CD109: variants seen among roughly 807,000 people sequenced by gnomAD.
CD109 encodes CD109 antigen.
A neutral mutation model predicts 165.8 loss-of-function variants in CD109; 149 were observed. That is an observed-to-expected ratio of 0.90 (90% CI 0.79 to 1.03). The LOEUF (loss-of-function observed/expected upper bound fraction) is 1.03. Ranked by LOEUF, CD109 falls within the 50% of genes least tolerant of loss-of-function variation. CD109 has a pLI of 0.00. For missense variants in CD109, 1,712 were observed against 1,677.8 expected (o/e 1.02, Z -0.36); for synonymous variants, 585 against 592.1 (o/e 0.99, Z 0.18).
At chr6:73,807,586 C>T (rs1307856553) in intron 25 of CD109, among the ~76,000 whole-genome samples, 2 of 152,106 alleles carry the variant, frequency 1.3e-5, no homozygotes, top group Admixed American at 1.3e-4. Flanking sequence ...TAAGTTTGCT[C>T]CAGAGCTGTC....
At chr6:73,772,857 TTTC>T (rs1774093423) in intron 15 of CD109, among the ~76,000 whole-genome samples, 1 of 151,796 alleles carries the variant, frequency 6.6e-6, no homozygotes, top group African/African-American at 2.4e-5. Flanking sequence ...AATTGTACAT[TTTC>T]TTCAGTCTAC....
At chr6:73,718,877 TG>T (rs909958668) in intron 2 of CD109, among the ~76,000 whole-genome samples, 108 of 152,334 alleles carry the variant, frequency 7.1e-4, no homozygotes, top group African/African-American at 2.5e-3. Context: ...ATCTGTTGGT[TG>T]TTTCATTGTT....
chr6:73,753,269 C>T (rs80199485), intron 5 of CD109, among the ~76,000 whole-genome samples: 2,122 of 152,078 alleles, frequency 0.014, 50 homozygotes, highest in African/African-American at 0.048. Context: ...TTTGCAGATC[C>T]CTGTTCTAGA....
At chr6:73,747,494 T>C (rs1773024733) in intron 5 of CD109, among the ~76,000 whole-genome samples, 1 of 152,194 alleles carries the variant, frequency 6.6e-6, no homozygotes, top group Non-Finnish European at 1.5e-5. Context: ...TTTAAGTTTC[T>C]TTCATTTCTC....
upstream of CD109, among the ~76,000 whole-genome samples, chr6:73,692,672 A>G (rs1433775487): frequency 6.6e-6 from 1 of 152,164 alleles, no homozygotes; most frequent in Non-Finnish European, 1.5e-5. Flanking sequence ...AGCTCTCATA[A>G]TTCCCACATG....
At chr6:73,767,238 G>A (rs985666327) in intron 13 of CD109, among the ~76,000 whole-genome samples, 9 of 151,966 alleles carry the variant, frequency 5.9e-5, no homozygotes, top group Non-Finnish European at 1.0e-4. Context: ...ACCCAGTGTC[G>A]GTTGTTCCCC....
intron 5 of CD109, among the ~76,000 whole-genome samples, chr6:73,747,359 C>T (rs1405303449): frequency 2.0e-5 from 3 of 152,230 alleles, no homozygotes; most frequent in Non-Finnish European, 2.9e-5. Context: ...TGTCTGATCT[C>T]TCTGCCTCCA....
At position 73,736,430 on chromosome 6, in the gene CD109, T is replaced by A; in HGVS notation, c.555T>A (p.Asp185Glu). The change falls in exon 5 of 33, where the codon GAT becomes GAA. Residue 185 changes from aspartate (D) to glutamate (E), a missense_variant. Asp to Glu is a conservative substitution (Grantham distance 45, BLOSUM62 2). Transcript: ENST00000287097. ...AACAGTGGTTGTCACAACAAAGTGA[T>A]CTTGGAGTCATTTCCAAAACTTTTC... ...LIQQWLSQQS[D>E]LGVISKTFQL... 5 of 1,613,982 alleles carry A rather than the reference T, an allele frequency of 3.1e-6. No individual in the cohort carries two copies. In the South Asian group the frequency reaches 5.5e-5, roughly 18 times the overall value.
chr6:73,781,740 T>G (rs1354042737), intron 17 of CD109, among the ~76,000 whole-genome samples: 1 of 146,440 alleles, frequency 6.8e-6, no homozygotes, highest in Admixed American at 7.0e-5. Context: ...TGCCATAAAG[T>G]ATTCTGGTAC....
chr6:73,815,056 G>T lies in CD109; in HGVS notation c.3844G>T (p.Asp1282Tyr). Residue 1282 changes from aspartate to tyrosine, a missense_variant, in exon 30 of 33, where the codon GAT (aspartate) becomes TAT (tyrosine). Asp to Tyr is a radical substitution (Grantham distance 160). Transcript: ENST00000287097. ...RRSIQNQEAF[D>Y]LDVAVKENKD... ...ATCTATCCAAAATCAAGAAGCCTTTGATTTAGATGTTGCTGTAAAAGAAAA... is the reference window on the plus strand; with the variant it reads ...ATCTATCCAAAATCAAGAAGCCTTTTATTTAGATGTTGCTGTAAAAGAAAA... 6.3e-7 allele frequency: 1 copy of T among 1,588,940 alleles called. No individual in the cohort carries two copies. The highest frequency in any genetic ancestry group is 1.2e-5 in the South Asian group (1 of 86,072).
intron 23 of CD109, among the ~76,000 whole-genome samples, chr6:73,800,004 A>G (rs141826679): frequency 5.3e-4 from 81 of 151,940 alleles, no homozygotes; most frequent in African/African-American, 1.9e-3. Context: ...CTACAGGCAC[A>G]TGCCACCATG....
At chr6:73,794,254 A>G (rs1456401896) in intron 23 of CD109, among the ~76,000 whole-genome samples, 1 of 152,230 alleles carries the variant, frequency 6.6e-6, no homozygotes, top group Admixed American at 6.5e-5. Context: ...GAATTTACCC[A>G]TGGTGGTCTG....
the CD109 span, among the ~76,000 whole-genome samples, chr6:73,682,852 C>T: frequency 6.6e-6 from 1 of 151,514 alleles, no homozygotes; most frequent in African/African-American, 2.4e-5. Flanking sequence ...AGGCTTGCAC[C>T]CTCTGAAACC....
chr6:73,765,673 C>G (rs1773806490), intron 10 of CD109, among the ~76,000 whole-genome samples: 1 of 152,036 alleles, frequency 6.6e-6, no homozygotes, highest in African/African-American at 2.4e-5. Context: ...GAAAAGGACA[C>G]TGAGAGGATG....
At chr6:73,746,851 T>A (rs1242246877) in intron 5 of CD109, among the ~76,000 whole-genome samples, 2 of 152,194 alleles carry the variant, frequency 1.3e-5, no homozygotes, top group African/African-American at 4.8e-5. Context: ...CCAGCCTTGA[T>A]AAGAACCAGA....
chr6:73,781,370 A>G, intron 17 of CD109, 51 bp downstream of exon 17: 2 of 1,413,860 alleles, frequency 1.4e-6, no homozygotes, highest in Admixed American at 1.7e-5. Context: ...ATGATATTCA[A>G]CATTACTTAT....
At chr6:73,809,950 A>G (rs745497887) in intron 26 of CD109, 34 bp from the exon 27 acceptor site, 9 of 1,534,274 alleles carry the variant, frequency 5.9e-6, no homozygotes. Context: ...TTTTCTGGAT[A>G]ATTGATCAGA....
intron 7 of CD109, among the ~76,000 whole-genome samples, chr6:73,760,534 G>A (rs987562846): frequency 2.0e-5 from 3 of 149,946 alleles, no homozygotes; most frequent in African/African-American, 7.4e-5. Flanking sequence ...AAAAGTAGCA[G>A]AGAATATTTG....
At chr6:73,804,525 G>A (rs887115017) in intron 24 of CD109, among the ~76,000 whole-genome samples, 20 of 151,910 alleles carry the variant, frequency 1.3e-4, no homozygotes, top group African/African-American at 2.4e-4. Context: ...TTTAAAACCC[G>A]CTCTTAGGTG....
Sources: allele counts gnomAD v4.1 joint callset (sites outside exome capture counted in the v4.1 genomes callset), GRCh38; gene constraint gnomAD v4.1.1; transcripts MANE v1.5; gene names NCBI Gene and HGNC (gene_info 2026-07-23, HGNC 2026-07-21).